The following MCM5 variants were observed in gnomAD, a reference collection of about 807,000 sequenced individuals.
The protein encoded by MCM5 is minichromosome maintenance complex component 5, also known as DNA replication licensing factor MCM5.
Under a neutral mutation model 79.9 loss-of-function variants are expected in MCM5, and 46 were observed. The ratio of observed to expected loss-of-function variants is 0.58; its 90% confidence interval spans 0.45 to 0.74. The LOEUF (loss-of-function observed/expected upper bound fraction) is 0.74. Among genes scored for constraint, MCM5 ranks in the 30% least tolerant of loss-of-function variants. The pLI, the probability that MCM5 is intolerant of heterozygous loss-of-function variation, is 0.00. For synonymous variants in MCM5, 404 were observed against 390.5 expected (o/e 1.03, Z -0.41); for missense variants, 883 against 1,017.0 (o/e 0.87, Z 1.79).
chr22:35,454,039 A>G, the MCM5 span, among the ~76,000 whole-genome samples: 11 of 152,064 alleles, frequency 7.2e-5, no homozygotes, highest in African/African-American at 2.7e-4. Context: ...TCAGAGACAG[A>G]GACAGACAGA....
At chr22:35,415,382 G>A (rs551725618) in intron 9 of MCM5, among the ~76,000 whole-genome samples, 61 of 152,310 alleles carry the variant, frequency 4.0e-4, no homozygotes, top group Middle Eastern at 3.4e-3. Context: ...TCTCAGTTAG[G>A]ACTTTCCCAA....
chr22:35,417,665 T>TCTGG lies in MCM5; in HGVS notation c.1591-75_1591-72dup, dbSNP rs911568500. On this transcript the variant is annotated intron_variant, in intron 12 of 16. Transcript: ENST00000216122. ...TGATGCCAGGGCCCCATCAGCTCTT[T>TCTGG]CTGGCTGTTCCACCTCAGTGCTGGG... 1.9e-5 allele frequency: 19 copies of TCTGG among 1,004,592 alleles called. No individual in the cohort carries two copies. In the Admixed American group the frequency reaches 3.3e-4, roughly 18 times the overall value. The allele number at this position is 1,004,592 out of a possible 1,614,324, so 62.2% of individuals were successfully genotyped here.
At chr22:35,452,841 G>A in the MCM5 span, among the ~76,000 whole-genome samples, 1 of 152,216 alleles carries the variant, frequency 6.6e-6, no homozygotes, top group African/African-American at 2.4e-5. Context: ...CCCTGAGAGA[G>A]AGGGACAGGA....
chr22:35,430,628 G>A, the MCM5 span, among the ~76,000 whole-genome samples: 2 of 151,328 alleles, frequency 1.3e-5, no homozygotes, highest in Non-Finnish European at 2.9e-5. Context: ...TCAGCCTCCC[G>A]AGTAGCTGGG....
At chr22:35,452,946 C>T in the MCM5 span, among the ~76,000 whole-genome samples, 3 of 152,216 alleles carry the variant, frequency 2.0e-5, no homozygotes, top group East Asian at 3.9e-4. Context: ...AGGAAAGTGC[C>T]GCTATCCCTG....
chr22:35,424,282 ACTCGCCCACGC>A lies in MCM5; in HGVS notation c.*35_*45del, dbSNP rs1475579013. On this transcript the variant is annotated 3_prime_UTR_variant, in exon 17 of 17. Transcript: ENST00000216122. ...TCGCGCCGCCTCACTGGACTCATGG[ACTCGCCCACGC>A]CTCGCCCCTCCTGCCGCTGCCTGCC... 2.7e-5 allele frequency: 40 copies of A among 1,486,782 alleles called. No individual in the cohort carries two copies. The highest frequency in any genetic ancestry group is 3.6e-5 in the Non-Finnish European group (40 of 1,097,780). 92.1% of individuals were successfully genotyped at this position (1,486,782 alleles called of 1,614,324 possible). A position where few individuals can be genotyped will look rare whatever the true frequency, so the allele number is the denominator to read the frequency against.
At chr22:35,407,063 C>T (rs1569064868) in intron 5 of MCM5, among the ~76,000 whole-genome samples, 1 of 152,230 alleles carries the variant, frequency 6.6e-6, no homozygotes, top group Non-Finnish European at 1.5e-5. Flanking sequence ...ATCTAGCCTG[C>T]TGACCCTATG....
At chr22:35,410,589 C>A in intron 6 of MCM5, 155 bp from the exon 7 acceptor site, 1 of 726,488 alleles carries the variant, frequency 1.4e-6, no homozygotes, top group Non-Finnish European at 2.5e-6. Context: ...AGGCCGTTCT[C>A]TGGGCTCCGT....
downstream of MCM5, among the ~76,000 whole-genome samples, chr22:35,429,892 G>A (rs1476876779): frequency 6.6e-6 from 1 of 152,158 alleles, no homozygotes; most frequent in Non-Finnish European, 1.5e-5. Flanking sequence ...CCTCATTCTA[G>A]AGCAAGACTT....
At chr22:35,437,142 A>G in the MCM5 span, among the ~76,000 whole-genome samples, 2 of 152,310 alleles carry the variant, frequency 1.3e-5, no homozygotes, top group African/African-American at 4.8e-5. Context: ...TCCCCCTTAC[A>G]GGAAGTGCCC....
intron 16 of MCM5, chr22:35,423,864 G>A (rs967213490): frequency 5.3e-5 from 19 of 358,104 alleles, no homozygotes; most frequent in Admixed American, 2.4e-4. Flanking sequence ...GTGGTATCGT[G>A]TCTATTCTAT....
At chr22:35,434,412 A>G in the MCM5 span, among the ~76,000 whole-genome samples, 3 of 152,268 alleles carry the variant, frequency 2.0e-5, no homozygotes, top group Admixed American at 2.0e-4. Context: ...CTCTGCCAAG[A>G]AAGAGCTTTT....
chr22:35,430,809 CT>C, the MCM5 span, among the ~76,000 whole-genome samples: 144 of 139,242 alleles, frequency 1.0e-3, no homozygotes, highest in Admixed American at 5.3e-3. Flanking sequence ...TGTACCCAGC[CT>C]TTTTTTTTTT....
At chr22:35,452,583 C>T in the MCM5 span, among the ~76,000 whole-genome samples, 2 of 152,172 alleles carry the variant, frequency 1.3e-5, no homozygotes, top group Non-Finnish European at 2.9e-5. Context: ...TGGCAGCGGG[C>T]AGGGCAGGGC....
chr22:35,445,015 A>G, the MCM5 span, among the ~76,000 whole-genome samples: 120,357 of 152,172 alleles, frequency 0.79, 48,186 homozygotes, highest in African/African-American at 0.88. Context: ...CTTCTGGCCA[A>G]TGAGATGGAG....
At chr22:35,438,214 C>T in the MCM5 span, among the ~76,000 whole-genome samples, 1 of 150,426 alleles carries the variant, frequency 6.6e-6, no homozygotes, top group South Asian at 2.1e-4. Context: ...CACCCACATG[C>T]ATATCCATCC....
chr22:35,413,968 GAA>G lies in MCM5; in HGVS notation c.1186_1187del (p.Lys396ValfsTer49). The G allele has an allele frequency of 6.2e-7, 1 of 1,613,894 alleles. No homozygotes were observed. Among genetic ancestry groups the G allele is most frequent in the Non-Finnish European group, 8.5e-7 (1 of 1,179,754 alleles). ...AKSQLLKFVEKCSPIGVYTSG... is the reference protein window; with the variant it reads ...AKSQLLKFVEXCSPIGVYTSG... ...AGTCCCAGCTTCTGAAGTTTGTGGA[GAA>G]GTGTTCTCCCATTGGGGTGAGTGGC... is the stretch of plus-strand genomic sequence containing the variant. On this transcript the variant is annotated frameshift_variant, in exon 9 of 17. Transcript: ENST00000216122. LOFTEE classifies it high-confidence loss of function.
the MCM5 span, among the ~76,000 whole-genome samples, chr22:35,432,438 T>C: frequency 6.6e-6 from 1 of 152,170 alleles, no homozygotes; most frequent in African/African-American, 2.4e-5. Flanking sequence ...GCTCAAGTAC[T>C]GTGTGACGGT....
At position 35,413,198 on chromosome 22, in the gene MCM5, A is replaced by G. The variant is rs1217377001; in HGVS notation, c.1091+517A>G. ...GCTGGGACTACAGGCGCCTGCCACC[A>G]TGCCCAGCTAATTTTTTTTGTATTT... On this transcript the variant is annotated intron_variant, in intron 8 of 16. Transcript: ENST00000216122. 1.3e-5 allele frequency among the ~76,000 whole-genome samples: 2 copies of G among 151,848 alleles called. 1 individual carries two copies. Among genetic ancestry groups the G allele is most frequent in the African/African-American group, 4.8e-5 (2 of 41,324 alleles).
Sources: gnomAD v4.1 joint callset for allele counts (sites outside exome capture counted in the v4.1 genomes callset) on GRCh38, gnomAD v4.1.1 for gene constraint, MANE v1.5 for transcripts, NCBI Gene and HGNC (gene_info 2026-07-23, HGNC 2026-07-21) for gene names.